Variants in GHR observed in about 807,000 individuals in gnomAD.
GHR encodes growth hormone receptor.
Under a neutral mutation model 67.1 loss-of-function variants are expected in GHR, and 35 were observed. The ratio of observed to expected loss-of-function variants is 0.52; its 90% CI spans 0.40 to 0.69. The LOEUF is 0.69. Ranked by LOEUF, GHR falls within the 30% of genes least tolerant of loss-of-function variation. The pLI is 0.00. For missense variants in GHR, 792 were observed against 764.6 expected, an observed-to-expected ratio of 1.04 and a Z score of -0.42; for synonymous variants, 272 against 269.1, an observed-to-expected ratio of 1.01 and a Z score of -0.10.
chr5:42,456,976 CCT>C (rs1196012626), intron 1 of GHR, among the ~76,000 whole-genome samples: 1 of 152,044 alleles, frequency 6.6e-6, no homozygotes, highest in Non-Finnish European at 1.5e-5. Context: ...GAAGCTTTCC[CCT>C]CTTTCATTAT....
chr5:42,596,691 T>C (rs1465935076), intron 2 of GHR, among the ~76,000 whole-genome samples: 1 of 152,134 alleles, frequency 6.6e-6, no homozygotes, highest in African/African-American at 2.4e-5. Context: ...GCTCCTCTCC[T>C]GATATGATTG....
At chr5:42,537,381 AT>A (rs956429792) in intron 1 of GHR, among the ~76,000 whole-genome samples, 1 of 152,114 alleles carries the variant, frequency 6.6e-6, no homozygotes, top group Non-Finnish European at 1.5e-5. Context: ...AGTTCAAAGA[AT>A]TTTTTAACTT....
chr5:42,668,855 A>G (rs1241727055), intron 3 of GHR, among the ~76,000 whole-genome samples: 1 of 152,184 alleles, frequency 6.6e-6, no homozygotes, highest in African/African-American at 2.4e-5. Context: ...TAGAAATGTC[A>G]AAACTTGAAA....
At chr5:42,625,065 A>AT (rs1479197628) in intron 2 of GHR, among the ~76,000 whole-genome samples, 1 of 152,136 alleles carries the variant, frequency 6.6e-6, no homozygotes, top group African/African-American at 2.4e-5. Flanking sequence ...TAGAGAGAGA[A>AT]TAAAAAAGAA....
At chr5:42,656,125 C>G (rs545080851) in intron 3 of GHR, among the ~76,000 whole-genome samples, 1 of 152,212 alleles carries the variant, frequency 6.6e-6, no homozygotes, top group African/African-American at 2.4e-5. Context: ...GAAGAGGTAA[C>G]TAAAGATACT....
At chr5:42,662,705 C>A (rs1313887514) in intron 3 of GHR, among the ~76,000 whole-genome samples, 1 of 152,090 alleles carries the variant, frequency 6.6e-6, no homozygotes, top group Non-Finnish European at 1.5e-5. Flanking sequence ...ACTAGAAAAG[C>A]AAGAGCAAAC....
intron 2 of GHR, among the ~76,000 whole-genome samples, chr5:42,600,359 G>A (rs536625808): frequency 1.3e-5 from 2 of 152,334 alleles, no homozygotes; most frequent in Admixed American, 1.3e-4. Context: ...AGCAGGCCCA[G>A]TGCCAGCCTC....
chr5:42,703,903 T>G (rs1758050696), intron 6 of GHR, among the ~76,000 whole-genome samples: 3 of 152,032 alleles, frequency 2.0e-5, no homozygotes, highest in African/African-American at 7.2e-5. Context: ...ATCCTGCAGC[T>G]TTACTGAATT....
intron 1 of GHR, chr5:42,548,232 T>C: frequency 2.0e-6 from 2 of 984,574 alleles, no homozygotes; most frequent in Non-Finnish European, 2.4e-6. Flanking sequence ...TGTGTGTGCA[T>C]GAGAGAGAGA....
chr5:42,694,811 T>G (rs879614691), intron 4 of GHR, 106 bp from the exon 5 acceptor site: 6 of 862,276 alleles, frequency 7.0e-6, no homozygotes, highest in Admixed American at 5.2e-5. Flanking sequence ...CTTCACAAAA[T>G]ATTTGTCTTC....
At chr5:42,679,430 T>C (rs1416438469) in intron 3 of GHR, among the ~76,000 whole-genome samples, 1 of 151,416 alleles carries the variant, frequency 6.6e-6, no homozygotes, top group East Asian at 1.9e-4. Flanking sequence ...ATTGAGACCA[T>C]CCTGGCCAAC....
In GHR at chr5:42,424,017, A is replaced by C. The variant is rs961919449; in HGVS notation, c.-12+62A>C. ...TCCTCCTGTTGTGCCAGGGGGCCTG[A>C]GGGTGAACCCTGGGACTCTAGTTGT... On this transcript the variant is annotated intron_variant, in intron 1 of 9. Transcript: ENST00000230882. This position sits in a 1 kb window ranked among gnomAD's most constrained non-coding sequence, Gnocchi z 4.1. 1 of 153,548 alleles carries C rather than the reference A, an allele frequency of 6.5e-6. No homozygotes were observed. The highest frequency in any genetic ancestry group is 1.5e-5 in the Non-Finnish European group (1 of 68,592). The allele number at this position is 153,548 out of a possible 1,614,324, so 9.5% of individuals were successfully genotyped here.
chr5:42,629,926 T>C lies in GHR; in HGVS notation c.136+823T>C, dbSNP rs192511664. Among the ~76,000 whole-genome samples the C allele has an allele frequency of 2.9e-3, 380 of 132,258 alleles. 117 individuals carry two copies. Among genetic ancestry groups the C allele is most frequent in the African/African-American group, 0.011 (361 of 31,458 alleles). 86.8% of individuals were successfully genotyped at this position (132,258 alleles called of 152,430 possible). A position where few individuals can be genotyped will look rare whatever the true frequency, so the allele number is the denominator to read the frequency against. ...CTTAAGCTTCAAAATTATGCCTTATTGTAAGCTCTTTCTTAACCTTAAAAT... is the reference window on the plus strand; with the variant it reads ...CTTAAGCTTCAAAATTATGCCTTATCGTAAGCTCTTTCTTAACCTTAAAAT... On this transcript the variant is annotated intron_variant, in intron 3 of 9. Coordinates refer to ENST00000230882, the MANE Select transcript of GHR (RefSeq NM_000163.5).
At chr5:42,574,046 G>T (rs1750491013) in intron 2 of GHR, among the ~76,000 whole-genome samples, 2 of 152,178 alleles carry the variant, frequency 1.3e-5, no homozygotes, top group African/African-American at 4.8e-5. Flanking sequence ...TTCAGGGGAG[G>T]ACCATTTTGT....
intron 7 of GHR, among the ~76,000 whole-genome samples, chr5:42,712,817 T>A (rs959519354): frequency 6.6e-6 from 1 of 151,688 alleles, no homozygotes; most frequent in Non-Finnish European, 1.5e-5. Context: ...TCAGTAGTGA[T>A]CTTTCTGTCA....
intron 1 of GHR, among the ~76,000 whole-genome samples, chr5:42,547,793 G>A (rs1174766380): frequency 4.6e-5 from 7 of 152,250 alleles, no homozygotes; most frequent in Middle Eastern, 3.4e-3. Flanking sequence ...AACTAAGTAT[G>A]CTAGGATTTC....
At chr5:42,468,746 C>T in intron 1 of GHR, 1 of 1,032,968 alleles carries the variant, frequency 9.7e-7, no homozygotes, top group Non-Finnish European at 1.5e-6. Flanking sequence ...CCCCCGCCAG[C>T]TTCTTTTTTC....
intron 1 of GHR, among the ~76,000 whole-genome samples, chr5:42,562,356 G>T (rs140853437): frequency 2.0e-5 from 3 of 152,120 alleles, no homozygotes; most frequent in Non-Finnish European, 4.4e-5. Flanking sequence ...GGAGGAGTTA[G>T]ATTCTAATAA....
chr5:42,438,513 C>A (rs2111941109), intron 1 of GHR, among the ~76,000 whole-genome samples: 1 of 152,270 alleles, frequency 6.6e-6, no homozygotes, highest in South Asian at 2.1e-4. Context: ...TTCAAAGTGG[C>A]TCCTGTCTTG....
Sources: allele counts gnomAD v4.1 joint callset (sites outside exome capture counted in the v4.1 genomes callset), GRCh38; gene constraint gnomAD v4.1.1; non-coding constraint Gnocchi (gnomAD v3.1); transcripts MANE v1.5; gene names NCBI Gene and HGNC (gene_info 2026-07-23, HGNC 2026-07-21).